Variants in SLC50A1 observed in about 807,000 individuals in gnomAD.
SLC50A1 encodes solute carrier family 50 member 1.
In SLC50A1, 22 loss-of-function variants were observed where a neutral mutation model predicts 28.9. That is an observed-to-expected ratio of 0.76 (90% CI 0.54 to 1.09). SLC50A1 has a LOEUF of 1.09. Ranked by LOEUF, SLC50A1 falls within the 50% of genes least tolerant of loss-of-function variation. The pLI, the probability that SLC50A1 is intolerant of heterozygous loss-of-function variation, is 0.00. For synonymous variants in SLC50A1, 96 were observed against 110.6 expected, an observed-to-expected ratio of 0.87 and a Z score of 0.83; for missense variants, 233 against 273.4, an observed-to-expected ratio of 0.85 and a Z score of 1.04.
chr1:155,135,779 G>A (rs1571691146), upstream of SLC50A1: 1 of 1,551,614 alleles, frequency 6.4e-7, no homozygotes, highest in Non-Finnish European at 8.7e-7. Context: ...TTTCCGGAGG[G>A]ACGGCCCGAG....
At chr1:155,137,049 C>G (rs948130792) in intron 3 of SLC50A1, 98 bp downstream of exon 3, 2 of 1,504,528 alleles carry the variant, frequency 1.3e-6, no homozygotes, top group African/African-American at 2.8e-5. Flanking sequence ...CTGGCACTGC[C>G]ACCTTTTCCA....
rs369511490 is a variant in SLC50A1 at position 155,136,861 on chromosome 1, G to A, written c.192G>A (p.Lys64=). The part of the protein sequence containing the change: ...NLGWLSYGAL[K]GDGILIVVNT... ...GCTGGCTGAGTTATGGGGCTTTGAA[G>A]GGAGACGGGATCCTCATCGTCGTCA... The change falls in exon 3 of 6, where the codon AAG becomes AAA. Residue 64 remains lysine (K), a synonymous_variant. Coordinates refer to ENST00000368404, the MANE Select transcript of SLC50A1 (RefSeq NM_018845.4). 11 of 1,614,100 alleles carry A rather than the reference G, an allele frequency of 6.8e-6. No individual in the cohort carries two copies. Among genetic ancestry groups the A allele is most frequent in the Non-Finnish European group, 9.3e-6 (11 of 1,180,032 alleles).
chr1:155,136,223 A>T, intron 1 of SLC50A1, 76 bp from the exon 2 acceptor site: 1 of 1,110,756 alleles, frequency 9.0e-7, no homozygotes, highest in Middle Eastern at 2.3e-4. Flanking sequence ...AAAGGATGAC[A>T]GGCATTGGGC....
At chr1:155,135,688 C>A (rs908552468), upstream of SLC50A1, 12 of 1,550,144 alleles carry the variant, frequency 7.7e-6, no homozygotes, top group Non-Finnish European at 1.0e-5. Context: ...GAGGTCTGGA[C>A]CAGGGTACTG....
rs113424553 is a variant in SLC50A1 at position 155,136,377 on chromosome 1, G to T, written c.158+1G>T. 2.5e-6 allele frequency: 4 copies of T among 1,611,508 alleles called. No individual in the cohort carries two copies. The highest frequency in any genetic ancestry group is 3.4e-6 in the Non-Finnish European group (4 of 1,178,842). On this transcript the variant is annotated splice_donor_variant, in intron 2 of 5. Transcript: ENST00000368404. LOFTEE classifies it high-confidence loss of function. ...TGCCCTTTCTCACCACGGAAGTCAA[G>T]TGAGGGGCCGACGGCTGCGGTAGTG...
In SLC50A1 at chr1:155,136,938, A is replaced by T. The variant is rs761339836; in HGVS notation, c.269A>T (p.Tyr90Phe). 6.2e-7 allele frequency: 1 copy of T among 1,613,952 alleles called. No homozygotes were observed. Among genetic ancestry groups the T allele is most frequent in the Admixed American group, 1.7e-5 (1 of 59,998 alleles). ...QTLYILAYLH[Y>F]CPRKRVVLLQ... ...CTGTATATCTTGGCATATCTGCATT[A>T]CTGCCCTCGGAAGGTAGAGGCCCTC... The change falls in exon 3 of 6, where the codon TAC becomes TTC. Residue 90 changes from tyrosine (Y) to phenylalanine (F), a missense_variant. Transcript: ENST00000368404.
upstream of SLC50A1, chr1:155,135,612 G>C: frequency 6.5e-7 from 1 of 1,550,292 alleles, no homozygotes; most frequent in Non-Finnish European, 8.7e-7. Flanking sequence ...GGCAGAGTGT[G>C]AGCAGCGGCA....
At chr1:155,135,706 G>T (rs746296381), upstream of SLC50A1, 2 of 1,549,932 alleles carry the variant, frequency 1.3e-6, no homozygotes, top group Non-Finnish European at 1.7e-6. Flanking sequence ...CTGGGAAGGC[G>T]CTCGGAGGAG....
At chr1:155,135,794 C>A, upstream of SLC50A1, 1 of 1,556,222 alleles carries the variant, frequency 6.4e-7, no homozygotes, top group Non-Finnish European at 8.7e-7. Flanking sequence ...CCCGAGCGTG[C>A]GGGGGCGGAG....
At position 155,136,011 on chromosome 1, in the gene SLC50A1, G is replaced by C; in HGVS notation, c.80+20G>C. 1 of 1,613,456 alleles carries C rather than the reference G, an allele frequency of 6.2e-7. No individual in the cohort carries two copies. Among genetic ancestry groups the C allele is most frequent in the Non-Finnish European group, 8.5e-7 (1 of 1,179,672 alleles). On this transcript the variant is annotated intron_variant, in intron 1 of 5. Coordinates refer to ENST00000368404, the MANE Select transcript of SLC50A1 (RefSeq NM_018845.4). The stretch of plus-strand genomic sequence containing the variant: ...CGGCCTGTGAGAGTGCGGCCGGGCT[G>C]GGTTGGGGAGGACTAGGCAGTCAGG...
Position 155,138,076 on chromosome 1 carries a change from G to C in SLC50A1, c.542G>C (p.Arg181Pro). ...TSASWCLYGF[R>P]LRDPYIMVSN... is the part of the protein sequence containing the mutation. ...GCCTCCTGGTGCCTCTATGGGTTTC[G>C]ACTCAGAGATCCCTATATCATGGTA... Residue 181 changes from arginine to proline, a missense_variant, in exon 5 of 6, where the codon CGA (arginine) becomes CCA (proline). By Grantham distance (103) the Arg-to-Pro change is moderately radical. Transcript: ENST00000368404. The C allele has an allele frequency of 2.5e-6, 4 of 1,613,994 alleles. No homozygotes were observed. The highest frequency in any genetic ancestry group is 3.4e-6 in the Non-Finnish European group (4 of 1,180,020).
intron 1 of SLC50A1, 79 bp from the exon 2 acceptor site, chr1:155,136,220 G>T: frequency 1.8e-6 from 2 of 1,100,716 alleles, no homozygotes; most frequent in Non-Finnish European, 2.7e-6. Context: ...CGGAAAGGAT[G>T]ACAGGCATTG....
chr1:155,136,560 G>A lies in SLC50A1; in HGVS notation c.158+184G>A, dbSNP rs922754691. ...AGATCCAGACCATCCTGGCTAACAC[G>A]GTGAAACCCCGTCTCTACTAAAAAT... On this transcript the variant is annotated intron_variant, in intron 2 of 5. Transcript: ENST00000368404. 1.7e-5 allele frequency: 12 copies of A among 693,128 alleles called. No homozygotes were observed. In the South Asian group the frequency reaches 1.9e-4, roughly 11 times the overall value. The allele number at this position is 693,128 out of a possible 1,614,324, so 42.9% of individuals were successfully genotyped here. A position where few individuals can be genotyped will look rare whatever the true frequency, so the allele number is the denominator to read the frequency against.
intron 1 of SLC50A1, 136 bp downstream of exon 1, chr1:155,136,127 A>C: frequency 1.1e-6 from 1 of 933,644 alleles, no homozygotes. Context: ...GGACCGGGGT[A>C]CAAGGGCGAG....
At chr1:155,137,113 A>G in intron 3 of SLC50A1, 162 bp downstream of exon 3, 1 of 899,462 alleles carries the variant, frequency 1.1e-6, no homozygotes. Context: ...CAGCCTTCTG[A>G]GATGAACACA....
At position 155,136,951 on chromosome 1, in the gene SLC50A1, G is replaced by A; in HGVS notation, c.282G>A (p.Lys94=). Reference sequence around the variant, plus strand: ...CATATCTGCATTACTGCCCTCGGAAGGTAGAGGCCCTCCCTTGGACCCACC... The same window carrying A: ...CATATCTGCATTACTGCCCTCGGAAAGTAGAGGCCCTCCCTTGGACCCACC... The part of the protein sequence containing the change: ...ILAYLHYCPR[K]RVVLLQTATL... Residue 94 remains lysine, a splice_region_variant and synonymous_variant, in exon 3 of 6, where the codon AAG becomes AAA. Coordinates refer to ENST00000368404, the MANE Select transcript of SLC50A1 (RefSeq NM_018845.4). 6.2e-7 allele frequency: 1 copy of A among 1,613,900 alleles called. No homozygotes were observed. Among genetic ancestry groups the A allele is most frequent in the African/African-American group, 1.3e-5 (1 of 75,044 alleles).
intron 2 of SLC50A1, 117 bp downstream of exon 2, chr1:155,136,493 C>G: frequency 9.3e-6 from 9 of 966,026 alleles, no homozygotes; most frequent in Non-Finnish European, 1.5e-5. Context: ...CCTGTAATCC[C>G]TGCACTTTGG....
intron 3 of SLC50A1, 152 bp downstream of exon 3, chr1:155,137,103 C>T: frequency 9.8e-7 from 1 of 1,018,826 alleles, no homozygotes; most frequent in South Asian, 1.6e-5. Flanking sequence ...TCTATGAAGC[C>T]AGCCTTCTGA....
Position 155,135,922 on chromosome 1 carries a change from G to C in SLC50A1, c.11G>C (p.Gly4Ala), listed in dbSNP as rs1270584797. The change falls in exon 1 of 6, where the codon GGC becomes GCC. Residue 4 changes from glycine to alanine, a missense_variant. Physicochemically the swap from Gly to Ala is moderately conservative, Grantham distance 60. Transcript: ENST00000368404. The stretch of plus-strand genomic sequence containing the variant: ...CCGACTCTAGTCGTAATGGAGGCGG[G>C]CGGCTTTCTGGACTCGCTCATTTAC... MEAGGFLDSLIYGA... is the reference protein window; with the variant it reads MEAAGFLDSLIYGA... The C allele has an allele frequency of 1.2e-6, 2 of 1,613,864 alleles. No homozygotes were observed. Among genetic ancestry groups the C allele is most frequent in the African/African-American group, 2.7e-5 (2 of 74,948 alleles).
Sources: allele counts gnomAD v4.1 joint callset, GRCh38; gene constraint gnomAD v4.1.1; transcripts MANE v1.5; gene names NCBI Gene and HGNC (gene_info 2026-07-23, HGNC 2026-07-21).